Variants in RPS6KA5 observed in about 807,000 individuals in gnomAD.
RPS6KA5 encodes the protein ribosomal protein S6 kinase A5, also known as ribosomal protein S6 kinase alpha-5.
RPS6KA5 carries 27 observed loss-of-function variants against 85.5 expected under a neutral mutation model. The observed-to-expected ratio is 0.32, with a 90% CI of 0.23 to 0.44. The LOEUF is 0.44. RPS6KA5 is among the 20% of genes least tolerant of loss of function. The probability of loss-of-function intolerance (pLI) is 1.00; values close to 1 mark genes in which losing one functional copy is unlikely to be tolerated. For synonymous variants in RPS6KA5, 334 were observed against 348.2 expected, an observed-to-expected ratio of 0.96 and a Z score of 0.46; for missense variants, 811 against 980.9, an observed-to-expected ratio of 0.83 and a Z score of 2.31.
At chr14:91,000,843 G>C (rs2040758052) in intron 2 of RPS6KA5, among the ~76,000 whole-genome samples, 1 of 152,060 alleles carries the variant, frequency 6.6e-6, no homozygotes, top group Non-Finnish European at 1.5e-5. Context: ...CCTGTGTAAA[G>C]GCTGAACTAA....
intron 5 of RPS6KA5, among the ~76,000 whole-genome samples, chr14:90,931,539 A>AT (rs879318309): frequency 4.6e-5 from 7 of 152,188 alleles, no homozygotes; most frequent in Non-Finnish European, 7.4e-5. Context: ...CACAATTAAA[A>AT]TTTTTTTAAA....
At chr14:90,913,665 CT>C in intron 7 of RPS6KA5, among the ~76,000 whole-genome samples, 1 of 152,230 alleles carries the variant, frequency 6.6e-6, no homozygotes, top group Admixed American at 6.5e-5. Context: ...CCTTTGTACA[CT>C]TTTTTTTCTG....
At chr14:90,879,249 C>T (rs958413013) in intron 14 of RPS6KA5, among the ~76,000 whole-genome samples, 14 of 151,040 alleles carry the variant, frequency 9.3e-5, no homozygotes, top group South Asian at 2.1e-4. Flanking sequence ...CAGTCCAGAA[C>T]GCATGAGTAA....
chr14:91,030,474 A>G (rs1348165659), intron 1 of RPS6KA5, among the ~76,000 whole-genome samples: 1 of 152,072 alleles, frequency 6.6e-6, no homozygotes, highest in Non-Finnish European at 1.5e-5. Context: ...GCTCCCGGTG[A>G]AAAACTATAC....
chr14:90,914,729 A>C (rs1402724792), intron 7 of RPS6KA5, among the ~76,000 whole-genome samples: 2 of 152,170 alleles, frequency 1.3e-5, no homozygotes, highest in African/African-American at 2.4e-5. Context: ...AAGCAGTGCA[A>C]AACAAATGAA....
chr14:90,951,747 C>A (rs528773231), intron 3 of RPS6KA5, among the ~76,000 whole-genome samples: 1 of 152,228 alleles, frequency 6.6e-6, no homozygotes, highest in African/African-American at 2.4e-5. Flanking sequence ...AGGTTCCGCT[C>A]GTTCTTTCCC....
intron 7 of RPS6KA5, 101 bp from the exon 8 acceptor site, chr14:90,906,400 G>T: frequency 1.1e-6 from 1 of 899,928 alleles, no homozygotes; most frequent in Non-Finnish European, 1.6e-6. Context: ...GTGAAAGAGA[G>T]ATATAAATAC....
At chr14:91,031,047 A>G (rs1356884129) in intron 1 of RPS6KA5, among the ~76,000 whole-genome samples, 1 of 152,182 alleles carries the variant, frequency 6.6e-6, no homozygotes, top group Non-Finnish European at 1.5e-5. Flanking sequence ...TGCTTAGCAA[A>G]TAAATTTTAA....
At chr14:90,986,287 G>A (rs778747669) in intron 2 of RPS6KA5, among the ~76,000 whole-genome samples, 24 of 152,096 alleles carry the variant, frequency 1.6e-4, no homozygotes, top group Non-Finnish European at 2.6e-4. Flanking sequence ...TGTGTCATAC[G>A]AGAGAATTTC....
chr14:90,996,172 CCAGG>C (rs1444845019), intron 2 of RPS6KA5, among the ~76,000 whole-genome samples: 1 of 151,974 alleles, frequency 6.6e-6, no homozygotes, highest in Non-Finnish European at 1.5e-5. Flanking sequence ...TCACAACAGC[CCAGG>C]CTAATTTGTT....
intron 1 of RPS6KA5, among the ~76,000 whole-genome samples, chr14:91,017,888 C>T (rs1197975961): frequency 6.6e-6 from 1 of 152,182 alleles, no homozygotes; most frequent in South Asian, 2.1e-4. Flanking sequence ...GCCTTTGTAT[C>T]ACCAGGCAAA....
In RPS6KA5 at chr14:90,899,391, C is replaced by T; in HGVS notation, c.1411G>A (p.Ala471Thr). The change falls in exon 12 of 17, where the codon GCT becomes ACT. Residue 471 changes from alanine (A) to threonine (T), a missense_variant. Ala to Thr is a moderately conservative substitution (Grantham distance 58, BLOSUM62 0). Coordinates refer to ENST00000614987, the MANE Select transcript of RPS6KA5 (RefSeq NM_004755.4). ...MEANTQKEIT[A>T]LKLCEGHPNI... ...GGGTGTCCTTCACAGAGTTTCAGAG[C>T]TGTTATTTCCTTTTGAGTATTGGCT... 1 of 1,613,260 alleles carries T rather than the reference C, an allele frequency of 6.2e-7. No individual in the cohort carries two copies.
intron 14 of RPS6KA5, among the ~76,000 whole-genome samples, chr14:90,878,836 G>A (rs1006659567): frequency 9.2e-5 from 14 of 152,184 alleles, no homozygotes; most frequent in Admixed American, 7.2e-4. Flanking sequence ...CAAGTGACTC[G>A]GAAGGCTACC....
chr14:91,034,606 A>G (rs899690764), intron 1 of RPS6KA5, among the ~76,000 whole-genome samples: 2 of 152,208 alleles, frequency 1.3e-5, no homozygotes, highest in African/African-American at 4.8e-5. Context: ...TCAGCATGAC[A>G]TGGGCAGCAA....
Position 91,044,392 on chromosome 14 carries a change from GGAAAGAAAGAAAGAAAGAAAGAAAGAAA to G in RPS6KA5, c.103+15912_103+15939del, listed in dbSNP as rs71461930. Among the ~76,000 whole-genome samples the G allele has an allele frequency of 3.4e-3, 185 of 55,162 alleles. 1 individual carries two copies. Among genetic ancestry groups the G allele is most frequent in the South Asian group, 0.013 (22 of 1,730 alleles). The allele number at this position is 55,162 out of a possible 152,430, so 36.2% of individuals were successfully genotyped here. A position where few individuals can be genotyped will look rare whatever the true frequency, so the allele number is the denominator to read the frequency against. ...AAGAAAGAAGGAAAGAAAGAAAGAA[GGAAAGAAAGAAAGAAAGAAAGAAAGAAA>G]GAAAGAAAGAAAGAAAGAAAGAAAG... is the stretch of plus-strand genomic sequence containing the variant. On this transcript the variant is annotated intron_variant, in intron 1 of 16. Transcript: ENST00000614987.
chr14:90,987,185 T>A (rs1204550987), intron 2 of RPS6KA5, among the ~76,000 whole-genome samples: 1 of 152,208 alleles, frequency 6.6e-6, no homozygotes, highest in Non-Finnish European at 1.5e-5. Context: ...TGCAAAATTA[T>A]AAATTTTTTG....
intron 1 of RPS6KA5, among the ~76,000 whole-genome samples, chr14:91,044,376 GGAAA>G (rs1192366909): frequency 8.8e-5 from 1 of 11,426 alleles, no homozygotes; most frequent in Non-Finnish European, 2.0e-4. Flanking sequence ...AAAGAAAGAA[GGAAA>G]GAAAGAAAGA....
intron 2 of RPS6KA5, among the ~76,000 whole-genome samples, chr14:90,992,598 T>C (rs528396817): frequency 6.6e-6 from 1 of 152,172 alleles, no homozygotes; most frequent in East Asian, 1.9e-4. Context: ...TCCTAGTGTG[T>C]TTTTTGGAAT....
At chr14:91,008,131 C>G (rs2041107553) in intron 1 of RPS6KA5, among the ~76,000 whole-genome samples, 1 of 152,196 alleles carries the variant, frequency 6.6e-6, no homozygotes, top group Non-Finnish European at 1.5e-5. Flanking sequence ...CACTCTGTTG[C>G]CATAGTTTCA....
Sources: allele counts gnomAD v4.1 joint callset (sites outside exome capture counted in the v4.1 genomes callset), GRCh38; gene constraint gnomAD v4.1.1; transcripts MANE v1.5; gene names NCBI Gene and HGNC (gene_info 2026-07-23, HGNC 2026-07-21).